Variants in SCGB2B2 observed in about 807,000 individuals in gnomAD.
SCGB2B2 encodes the protein secretoglobin family 2B member 2.
Under a neutral mutation model 7.6 loss-of-function variants are expected in SCGB2B2, and 11 were observed. The observed-to-expected ratio is 1.45, with a 90% CI of 0.91 to 2.40. The LOEUF (loss-of-function observed/expected upper bound fraction) is 2.40, where lower values mean the gene tolerates loss of function less well. SCGB2B2 is among the 30% of genes most tolerant of loss of function. The pLI is 0.00. For synonymous variants in SCGB2B2, 50 were observed against 48.6 expected, an observed-to-expected ratio of 1.03 and a Z score of -0.12; for missense variants, 104 against 115.4, an observed-to-expected ratio of 0.90 and a Z score of 0.45.
In SCGB2B2 at chr19:34,591,805, T is replaced by G. The variant is rs945715608; in HGVS notation, c.*1750A>C. 1.3e-5 allele frequency among the ~76,000 whole-genome samples: 2 copies of G among 152,230 alleles called. No homozygotes were observed. Among genetic ancestry groups the G allele is most frequent in the Non-Finnish European group, 2.9e-5 (2 of 68,042 alleles). ...TCCTCAGATGCCTTCTGGGACCACC[T>G]GACCAATGTGGCACCTCAAGCCAGT... On this transcript the variant is annotated 3_prime_UTR_variant, in exon 4 of 4. Coordinates refer to ENST00000601241, the MANE Select transcript of SCGB2B2 (RefSeq NM_001025591.4).
At chr19:34,629,844 C>A (rs912693558) in intron 1 of SCGB2B2, among the ~76,000 whole-genome samples, 1 of 151,974 alleles carries the variant, frequency 6.6e-6, no homozygotes, top group African/African-American at 2.4e-5. Flanking sequence ...GGAGGCATCA[C>A]GCTACCTGAC....
chr19:34,628,959 T>C (rs1216327692), intron 1 of SCGB2B2, among the ~76,000 whole-genome samples: 1 of 151,874 alleles, frequency 6.6e-6, no homozygotes, highest in Admixed American at 6.6e-5. Flanking sequence ...GCAAGGCTGG[T>C]TCAACATATG....
intron 1 of SCGB2B2, among the ~76,000 whole-genome samples, chr19:34,618,127 C>A (rs999914561): frequency 3.9e-5 from 6 of 152,222 alleles, no homozygotes; most frequent in Non-Finnish European, 8.8e-5. Flanking sequence ...TAGACCGGAG[C>A]TGTTCCTACT....
At chr19:34,604,856 T>TAACA (rs2065735046) in intron 1 of SCGB2B2, among the ~76,000 whole-genome samples, 2 of 152,208 alleles carry the variant, frequency 1.3e-5, no homozygotes, top group Admixed American at 6.5e-5. Flanking sequence ...ATTTTTATTA[T>TAACA]AACAGCTTTA....
chr19:34,628,758 C>A (rs1226328641), intron 1 of SCGB2B2, among the ~76,000 whole-genome samples: 1 of 152,004 alleles, frequency 6.6e-6, no homozygotes, highest in Non-Finnish European at 1.5e-5. Context: ...TCCTCTCTAA[C>A]TCATTTTATG....
rs975639359 is a variant in SCGB2B2 at position 34,592,180 on chromosome 19, A to C, written c.*1375T>G. ...ATGACAAGGAGAATGGGTGGAAGGG[A>C]GAAAGGGCATTTTGGGCAGTGGGAG... On this transcript the variant is annotated 3_prime_UTR_variant, in exon 4 of 4. Transcript: ENST00000601241. Among the ~76,000 whole-genome samples the C allele has an allele frequency of 6.6e-6, 1 of 152,008 alleles. No individual in the cohort carries two copies. The highest frequency in any genetic ancestry group is 2.4e-5 in the African/African-American group (1 of 41,390).
At chr19:34,619,579 GA>G (rs1409172282) in intron 1 of SCGB2B2, among the ~76,000 whole-genome samples, 3 of 152,110 alleles carry the variant, frequency 2.0e-5, no homozygotes, top group Admixed American at 6.6e-5. Context: ...GGTAGTTCAG[GA>G]AAAAGAAAAT....
intron 1 of SCGB2B2, among the ~76,000 whole-genome samples, chr19:34,650,550 A>T (rs2067137820): frequency 1.3e-5 from 2 of 151,384 alleles, no homozygotes; most frequent in East Asian, 3.8e-4. Context: ...ACCGGGATTG[A>T]GCCGAAAAGA....
chr19:34,603,123 AACTC>A (rs757183852), intron 1 of SCGB2B2, among the ~76,000 whole-genome samples: 1 of 152,220 alleles, frequency 6.6e-6, no homozygotes, highest in South Asian at 2.1e-4. Flanking sequence ...TGGGTAATAA[AACTC>A]ACAGGCACAA....
At chr19:34,588,171 A>G (rs1037163451), downstream of SCGB2B2, among the ~76,000 whole-genome samples, 3 of 152,240 alleles carry the variant, frequency 2.0e-5, no homozygotes, top group Non-Finnish European at 4.4e-5. Context: ...TTTCTTTGAT[A>G]GGAGACATTT....
In SCGB2B2 at chr19:34,635,343, C is replaced by T. The variant is rs113001996; in HGVS notation, c.-2031-38749G>A. Reference sequence around the variant, plus strand: ...GCTATAGGCTTTCCCACATTCACTGCATCTGTAAGCCCTTTCTCCAGTGTG... The same window carrying T: ...GCTATAGGCTTTCCCACATTCACTGTATCTGTAAGCCCTTTCTCCAGTGTG... On this transcript the variant is annotated intron_variant, in intron 1 of 3. Transcript: ENST00000601241. 6.4e-3 allele frequency: 1,877 copies of T among 294,762 alleles called. 33 individuals are homozygous for T. Among genetic ancestry groups the T allele is most frequent in the African/African-American group, 0.039 (1,758 of 44,766 alleles). 18.3% of individuals were successfully genotyped at this position (294,762 alleles called of 1,614,324 possible).
intron 1 of SCGB2B2, among the ~76,000 whole-genome samples, chr19:34,608,953 C>T (rs1326478444): frequency 6.6e-6 from 1 of 151,816 alleles, no homozygotes; most frequent in Non-Finnish European, 1.5e-5. Flanking sequence ...AGCAAGAGTT[C>T]CCATTTCCTT....
chr19:34,661,790 A>G (rs1202450562), intron 1 of SCGB2B2, among the ~76,000 whole-genome samples: 3 of 151,888 alleles, frequency 2.0e-5, no homozygotes, highest in Non-Finnish European at 4.4e-5. Context: ...CCCAACACAA[A>G]TTTGTAAACT....
At chr19:34,590,376 TC>T (rs1409593156), downstream of SCGB2B2, among the ~76,000 whole-genome samples, 3 of 139,352 alleles carry the variant, frequency 2.2e-5, no homozygotes, top group Non-Finnish European at 3.3e-5. Context: ...CATCCATCCA[TC>T]CGTTCATCCA....
At chr19:34,649,695 C>T (rs2067114092) in intron 1 of SCGB2B2, among the ~76,000 whole-genome samples, 2 of 151,668 alleles carry the variant, frequency 1.3e-5, no homozygotes, top group Admixed American at 1.3e-4. Context: ...CTAAAAATAC[C>T]AAAAAAATTT....
chr19:34,630,119 G>T (rs2066488497), intron 1 of SCGB2B2, among the ~76,000 whole-genome samples: 1 of 151,702 alleles, frequency 6.6e-6, no homozygotes, highest in Admixed American at 6.6e-5. Flanking sequence ...AATTCAAGAT[G>T]GATTAAAGAC....
chr19:34,606,514 T>TTC lies in SCGB2B2; in HGVS notation c.-2031-9921_-2031-9920insGA, dbSNP rs72120208. 1.4e-3 allele frequency among the ~76,000 whole-genome samples: 100 copies of TTC among 71,072 alleles called. 1 individual carries two copies. Among genetic ancestry groups the TTC allele is most frequent in the Middle Eastern group, 0.011 (1 of 88 alleles). The allele number at this position is 71,072 out of a possible 152,430, so 46.6% of individuals were successfully genotyped here. ...GTAGGAAACAGGTTTTTCTTTTCTT[T>TTC]TTCTTTTTTTTTTTGCTGGTGAGGA... On this transcript the variant is annotated intron_variant, in intron 1 of 3. Coordinates refer to ENST00000601241, the MANE Select transcript of SCGB2B2 (RefSeq NM_001025591.4).
intron 1 of SCGB2B2, among the ~76,000 whole-genome samples, chr19:34,636,648 G>C (rs1187315278): frequency 6.6e-6 from 1 of 152,230 alleles, no homozygotes; most frequent in East Asian, 1.9e-4. Context: ...AGAGAGGTGG[G>C]AGTCGGCCCT....
chr19:34,671,103 A>G (rs937121684), intron 1 of SCGB2B2, among the ~76,000 whole-genome samples: 1 of 152,174 alleles, frequency 6.6e-6, no homozygotes, highest in African/African-American at 2.4e-5. Context: ...TTTAGTAGAG[A>G]TGGGGTTTTA....
Sources: allele counts gnomAD v4.1 joint callset (sites outside exome capture counted in the v4.1 genomes callset), GRCh38; gene constraint gnomAD v4.1.1; transcripts MANE v1.5; gene names NCBI Gene and HGNC (gene_info 2026-07-23, HGNC 2026-07-21).